Variants in MTHFD1 observed in about 807,000 individuals in gnomAD.
MTHFD1 encodes C-1-tetrahydrofolate synthase, cytoplasmic.
In MTHFD1, 44 loss-of-function variants were observed where a neutral mutation model predicts 110.3. The ratio of observed to expected loss-of-function variants is 0.40; its 90% confidence interval spans 0.31 to 0.51. The LOEUF (loss-of-function observed/expected upper bound fraction) is 0.51, where lower values mean the gene tolerates loss of function less well. Among genes scored for constraint, MTHFD1 ranks in the 20% least tolerant of loss-of-function variants. MTHFD1 has a pLI of 0.60. For synonymous variants in MTHFD1, 402 were observed against 428.8 expected (o/e 0.94, Z 0.77); for missense variants, 909 against 1,173.1 (o/e 0.77, Z 3.29).
chr14:64,430,257 T>C, intron 13 of MTHFD1, 27 bp downstream of exon 13: 3 of 1,608,640 alleles, frequency 1.9e-6, no homozygotes, highest in Admixed American at 1.7e-5. Flanking sequence ...TTTGGCTGAA[T>C]TAGATCCCCC....
chr14:64,407,354 A>G (rs1203616442), intron 2 of MTHFD1, among the ~76,000 whole-genome samples: 1 of 151,874 alleles, frequency 6.6e-6, no homozygotes, highest in Middle Eastern at 3.2e-3. Flanking sequence ...AGTCCCCACT[A>G]CTGAGGAGGC....
chr14:64,395,186 A>G (rs748580279), intron 1 of MTHFD1, among the ~76,000 whole-genome samples: 1 of 152,250 alleles, frequency 6.6e-6, no homozygotes, highest in Non-Finnish European at 1.5e-5. Flanking sequence ...AAGGTGATAA[A>G]ATTGTGGCCT....
chr14:64,441,578 G>A (rs2078248081), intron 19 of MTHFD1, 125 bp downstream of exon 19: 1 of 796,644 alleles, frequency 1.3e-6, no homozygotes, highest in East Asian at 2.7e-5. Context: ...AGGCCAAGGT[G>A]GGCAGATCAC....
At chr14:64,442,788 G>A (rs1177213670) in intron 21 of MTHFD1, among the ~76,000 whole-genome samples, 1 of 152,160 alleles carries the variant, frequency 6.6e-6, no homozygotes, top group Non-Finnish European at 1.5e-5. Context: ...TGAGACAGAG[G>A]TCAGCCCCTT....
intron 12 of MTHFD1, among the ~76,000 whole-genome samples, chr14:64,427,854 C>T (rs538511724): frequency 1.3e-5 from 2 of 152,276 alleles, no homozygotes; most frequent in South Asian, 4.1e-4. Context: ...AAAAGCCTAC[C>T]TTTATTGAAT....
intron 18 of MTHFD1, 60 bp downstream of exon 18, chr14:64,440,326 T>TCA: frequency 6.3e-7 from 1 of 1,597,038 alleles, no homozygotes; most frequent in Non-Finnish European, 8.6e-7. Flanking sequence ...CTAGGGTCTT[T>TCA]CAGCAGTTAT....
rs1322351929 is a variant in MTHFD1 at position 64,448,332 on chromosome 14, T to G, written c.2279+15T>G. ...AATGCATTCAAGTAAGTGTAGAGTGTAAGCGAAAAGGATGAATGTGGAAAA... is the reference window on the plus strand; with the variant it reads ...AATGCATTCAAGTAAGTGTAGAGTGGAAGCGAAAAGGATGAATGTGGAAAA... On this transcript the variant is annotated intron_variant, in intron 23 of 27. Coordinates refer to ENST00000652337, the MANE Select transcript of MTHFD1 (RefSeq NM_005956.4). 6.4e-7 allele frequency: 1 copy of G among 1,571,062 alleles called. No individual in the cohort carries two copies. Among genetic ancestry groups the G allele is most frequent in the Non-Finnish European group, 8.8e-7 (1 of 1,140,646 alleles).
intron 2 of MTHFD1, among the ~76,000 whole-genome samples, chr14:64,401,850 A>G (rs867583739): frequency 1.9e-4 from 29 of 152,192 alleles, no homozygotes; most frequent in Admixed American, 1.6e-3. Context: ...AAAGAGGGGC[A>G]TTATTTTATA....
rs903620368 is a variant in MTHFD1 at position 64,431,866 on chromosome 14, G to A, written c.1494+5G>A. On this transcript the variant is annotated splice_donor_5th_base_variant and intron_variant, in intron 15 of 27. Transcript: ENST00000652337. ...ATCCAAATCCGAAGGTTAAAGGTAA[G>A]CTTTTTTTCTTCCACATTTTTTATA... is the stretch of plus-strand genomic sequence containing the variant. 1 of 1,612,706 alleles carries A rather than the reference G, an allele frequency of 6.2e-7. No homozygotes were observed. The highest frequency in any genetic ancestry group is 8.5e-7 in the Non-Finnish European group (1 of 1,178,890).
chr14:64,430,306 T>A, intron 13 of MTHFD1, 76 bp downstream of exon 13: 2 of 1,339,936 alleles, frequency 1.5e-6, no homozygotes, highest in Non-Finnish European at 2.1e-6. Flanking sequence ...TTAGCTCCCT[T>A]TTTTTCCCCA....
At chr14:64,456,806 G>T (rs1278261455) in intron 26 of MTHFD1, among the ~76,000 whole-genome samples, 1 of 152,128 alleles carries the variant, frequency 6.6e-6, no homozygotes, top group African/African-American at 2.4e-5. Context: ...TCAGAATGAG[G>T]TTTTCTAAAG....
intron 6 of MTHFD1, 65 bp downstream of exon 6, chr14:64,415,804 G>T: frequency 1.3e-6 from 2 of 1,497,706 alleles, no homozygotes; most frequent in Non-Finnish European, 1.8e-6. Flanking sequence ...GACATGTGGT[G>T]GCATAGAGGA....
intron 7 of MTHFD1, among the ~76,000 whole-genome samples, 156 bp from the exon 8 acceptor site, chr14:64,419,658 G>A (rs1279430174): frequency 6.6e-6 from 1 of 152,188 alleles, no homozygotes; most frequent in Non-Finnish European, 1.5e-5. Flanking sequence ...AACAGTGTGT[G>A]GCTTACATTT....
intron 16 of MTHFD1, 60 bp from the exon 17 acceptor site, chr14:64,439,036 T>A (rs1475343377): frequency 1.6e-6 from 2 of 1,214,758 alleles, no homozygotes; most frequent in East Asian, 4.6e-5. Context: ...CTCTGCTGCT[T>A]CCTTTAACTT....
chr14:64,435,758 A>C, intron 16 of MTHFD1, 87 bp downstream of exon 16: 3 of 829,164 alleles, frequency 3.6e-6, no homozygotes, highest in East Asian at 2.5e-5. Flanking sequence ...TGTGAGGCTC[A>C]GAAGCTTCCA....
chr14:64,406,791 T>A (rs2077939491), intron 2 of MTHFD1, among the ~76,000 whole-genome samples: 1 of 152,206 alleles, frequency 6.6e-6, no homozygotes, highest in Non-Finnish European at 1.5e-5. Flanking sequence ...ATCTTCAACC[T>A]GTACTACTTA....
intron 1 of MTHFD1, 71 bp from the exon 2 acceptor site, chr14:64,400,722 T>C (rs1434900281): frequency 1.0e-6 from 1 of 954,140 alleles, no homozygotes; most frequent in Admixed American, 1.8e-5. Flanking sequence ...GAGAAATACA[T>C]CTAATAATCT....
intron 12 of MTHFD1, among the ~76,000 whole-genome samples, chr14:64,428,631 G>A (rs898014231): frequency 4.1e-5 from 6 of 146,562 alleles, no homozygotes; most frequent in Non-Finnish European, 7.5e-5. Context: ...TTGGCTCACT[G>A]CAACCTCCGC....
intron 2 of MTHFD1, among the ~76,000 whole-genome samples, chr14:64,403,837 G>A (rs1315582748): frequency 6.6e-6 from 1 of 152,148 alleles, no homozygotes; most frequent in Non-Finnish European, 1.5e-5. Flanking sequence ...ATGAGCCACT[G>A]TGCTCGGCCA....
Sources: allele counts gnomAD v4.1 joint callset (sites outside exome capture counted in the v4.1 genomes callset), GRCh38; gene constraint gnomAD v4.1.1; transcripts MANE v1.5; gene names NCBI Gene and HGNC (gene_info 2026-07-23, HGNC 2026-07-21).